The following SNX29 variants were observed in gnomAD, a reference collection of about 807,000 sequenced individuals.
SNX29 encodes the protein sorting nexin-29.
SNX29 carries 78 observed loss-of-function variants against 102.1 expected under a neutral mutation model. The observed-to-expected ratio is 0.76, with a 90% CI of 0.64 to 0.92. SNX29 has a LOEUF of 0.92. Ranked by LOEUF, SNX29 falls within the 40% of genes least tolerant of loss-of-function variation. The probability of loss-of-function intolerance (pLI) is 0.00; values close to 1 mark genes in which losing one functional copy is unlikely to be tolerated. For missense variants in SNX29, 1,280 were observed against 1,061.7 expected (o/e 1.21, Z -2.86); for synonymous variants, 580 against 414.5 (o/e 1.40, Z -4.85).
chr16:12,545,081 C>G (rs899321890), intron 20 of SNX29, among the ~76,000 whole-genome samples: 20 of 152,102 alleles, frequency 1.3e-4, no homozygotes, highest in Non-Finnish European at 5.9e-5. Flanking sequence ...ATGCACTGTG[C>G]CAGCCATCAG....
chr16:12,326,159 C>T lies in SNX29; in HGVS notation c.1783-30004C>T, dbSNP rs1350558350. On this transcript the variant is annotated intron_variant, in intron 15 of 20. Transcript: ENST00000566228. ...TCGTGCCTGGGACTACATGCACGTGCCACCACGTCTGGCTAATTTTTGTAT... is the reference window on the plus strand; with the variant it reads ...TCGTGCCTGGGACTACATGCACGTGTCACCACGTCTGGCTAATTTTTGTAT... Among the ~76,000 whole-genome samples the T allele has an allele frequency of 3.3e-5, 5 of 151,892 alleles. No individual in the cohort carries two copies. The East Asian group carries it at 5.9e-4, about 18-fold the overall frequency.
At chr16:12,241,444 G>C (rs2078101877) in intron 14 of SNX29, among the ~76,000 whole-genome samples, 1 of 151,956 alleles carries the variant, frequency 6.6e-6, no homozygotes, top group South Asian at 2.1e-4. Flanking sequence ...TGGTCTGTCT[G>C]TATTTCTCTC....
intron 18 of SNX29, among the ~76,000 whole-genome samples, chr16:12,409,281 C>T (rs8047108): frequency 0.49 from 75,051 of 152,006 alleles, 19,384 homozygotes; most frequent in Non-Finnish European, 0.58. Flanking sequence ...CTTGTTAACA[C>T]ACATTTTGGT....
intron 15 of SNX29, among the ~76,000 whole-genome samples, chr16:12,325,352 T>C (rs905160187): frequency 1.3e-5 from 2 of 152,204 alleles, no homozygotes; most frequent in African/African-American, 4.8e-5. Context: ...CAATGCCAGG[T>C]AGAAGAGGTT....
chr16:12,344,096 G>T (rs1302308863), intron 15 of SNX29, among the ~76,000 whole-genome samples: 1 of 152,072 alleles, frequency 6.6e-6, no homozygotes, highest in Admixed American at 6.5e-5. Flanking sequence ...TCACTCTCTT[G>T]TCTGCCGCCA....
intron 20 of SNX29, among the ~76,000 whole-genome samples, chr16:12,537,682 T>C (rs2077137658): frequency 6.6e-6 from 1 of 152,216 alleles, no homozygotes; most frequent in African/African-American, 2.4e-5. Flanking sequence ...TTTTAAACAT[T>C]GGAGCATCTG....
At chr16:12,552,845 A>G (rs1034578216) in intron 20 of SNX29, among the ~76,000 whole-genome samples, 4 of 152,062 alleles carry the variant, frequency 2.6e-5, no homozygotes, top group African/African-American at 4.8e-5. Flanking sequence ...GCCAGAGAGG[A>G]GAGGGTGTGG....
intron 11 of SNX29, among the ~76,000 whole-genome samples, chr16:12,106,058 C>T (rs993236456): frequency 4.6e-5 from 7 of 152,014 alleles, no homozygotes; most frequent in African/African-American, 1.7e-4. Flanking sequence ...CTAAGTAACG[C>T]GAGGGAGGAG....
intron 8 of SNX29, among the ~76,000 whole-genome samples, chr16:12,054,244 G>A (rs1274604226): frequency 6.6e-6 from 1 of 152,212 alleles, no homozygotes; most frequent in Non-Finnish European, 1.5e-5. Flanking sequence ...GGGATTACAG[G>A]CATGAGCCAC....
chr16:12,033,423 A>G (rs2057395815), intron 4 of SNX29, among the ~76,000 whole-genome samples: 1 of 151,568 alleles, frequency 6.6e-6, no homozygotes, highest in Non-Finnish European at 1.5e-5. Context: ...TGTTTTCATA[A>G]TTGCCATCCT....
At chr16:12,072,312 G>C (rs1217369634) in intron 10 of SNX29, among the ~76,000 whole-genome samples, 1 of 152,112 alleles carries the variant, frequency 6.6e-6, no homozygotes, top group Non-Finnish European at 1.5e-5. Context: ...GTTTGTCATA[G>C]ATAGCTCTTA....
At chr16:12,382,883 C>T (rs969747708) in intron 16 of SNX29, among the ~76,000 whole-genome samples, 7 of 151,958 alleles carry the variant, frequency 4.6e-5, no homozygotes, top group Non-Finnish European at 8.8e-5. Flanking sequence ...TATAAGGACA[C>T]CTGCCATGGG....
At chr16:12,497,499 C>T (rs1362964054) in intron 19 of SNX29, among the ~76,000 whole-genome samples, 1 of 152,172 alleles carries the variant, frequency 6.6e-6, no homozygotes, top group Non-Finnish European at 1.5e-5. Flanking sequence ...TATTTTTAAT[C>T]TAACAAGATC....
chr16:12,434,677 G>A (rs751562419), intron 18 of SNX29, among the ~76,000 whole-genome samples: 14 of 152,094 alleles, frequency 9.2e-5, no homozygotes, highest in Non-Finnish European at 1.6e-4. Context: ...CACAACGGCT[G>A]GGGGCTTTCT....
chr16:12,275,924 G>C (rs1596723270), intron 14 of SNX29, among the ~76,000 whole-genome samples: 1 of 118,438 alleles, frequency 8.4e-6, no homozygotes, highest in Non-Finnish European at 1.6e-5. Context: ...TCAGAGTCTT[G>C]CTCTGTTGCC....
rs575548456 is a variant in SNX29, at chr16:12,379,319, C to T, written c.1900-19127C>T. On this transcript the variant is annotated intron_variant, in intron 16 of 20. Transcript: ENST00000566228. ...ATTTTTTTGTAGAGTTGGGGGTCTC[C>T]GTATGTTGCCCAGGTTGATCTTTAA... Among the ~76,000 whole-genome samples, 8 of 152,116 alleles carry T rather than the reference C, an allele frequency of 5.3e-5. No homozygotes were observed. The East Asian group carries it at 5.8e-4, about 11-fold the overall frequency.
intron 20 of SNX29, among the ~76,000 whole-genome samples, chr16:12,548,304 G>C (rs1291787056): frequency 6.6e-6 from 1 of 152,098 alleles, no homozygotes; most frequent in Non-Finnish European, 1.5e-5. Flanking sequence ...ACTGTCCCTG[G>C]AGCCCTACTC....
In SNX29 at chr16:12,010,011, C is replaced by G. The variant is rs541443286; in HGVS notation, c.122+6968C>G. 7.2e-5 allele frequency among the ~76,000 whole-genome samples: 11 copies of G among 152,300 alleles called. No individual in the cohort carries two copies. The East Asian group carries it at 2.1e-3, about 29-fold the overall frequency. ...GGCTTTGGAGCTTGGCATTTGAATC[C>G]TGGGTTTGCCAGTTCTGGGTTGTGT... is the stretch of plus-strand genomic sequence containing the variant. On this transcript the variant is annotated intron_variant, in intron 3 of 20. Coordinates refer to ENST00000566228, the MANE Select transcript of SNX29 (RefSeq NM_032167.5).
chr16:12,061,624 C>T lies in SNX29; in HGVS notation c.1221C>T (p.Gly407=), dbSNP rs572498789. ...CCGACATCCTCTTCCCTGTCAGTGG[C>T]GTGGGCTCCTACAGCCCAGCAGGTG... The part of the protein sequence containing the change: ...NDSDILFPVS[G]VGSYSPADAP... Residue 407 remains glycine, a synonymous_variant, in exon 9 of 21, where the codon GGC becomes GGT. Transcript: ENST00000566228. 101 of 1,611,714 alleles carry T rather than the reference C, an allele frequency of 6.3e-5. No homozygotes were observed. Among genetic ancestry groups the T allele is most frequent in the East Asian group, 5.3e-4 (24 of 44,864 alleles).
Sources: allele counts gnomAD v4.1 joint callset (sites outside exome capture counted in the v4.1 genomes callset), GRCh38; gene constraint gnomAD v4.1.1; transcripts MANE v1.5; gene names NCBI Gene and HGNC (gene_info 2026-07-23, HGNC 2026-07-21).